Variants in TMEM63C observed in about 807,000 individuals in gnomAD.
TMEM63C encodes transmembrane protein 63C.
In TMEM63C, 32 loss-of-function variants were observed where a neutral mutation model predicts 99.2. That is an observed-to-expected ratio of 0.32 (90% confidence interval 0.24 to 0.43). The LOEUF is 0.43. TMEM63C is among the 20% of genes least tolerant of loss of function. TMEM63C has a pLI of 1.00. For synonymous variants in TMEM63C, 376 were observed against 397.9 expected, an observed-to-expected ratio of 0.94 and a Z score of 0.66; for missense variants, 826 against 1,053.0, an observed-to-expected ratio of 0.78 and a Z score of 2.98.
chr14:77,242,920 G>A lies in TMEM63C; in HGVS notation c.1205G>A (p.Arg402His), dbSNP rs767018865. The stretch of plus-strand genomic sequence containing the variant: ...TTCCCCAGGAAACACCTGTCTGTCC[G>A]CCGCTTCTTTTGGTGGGCCCGCTTT... Reference protein sequence around the residue: ...KDIIWKHLSVRRFFWWARFIA... With the variant: ...KDIIWKHLSVHRFFWWARFIA... The change falls in exon 15 of 24, where the codon CGC becomes CAC. Residue 402 changes from arginine to histidine, a missense_variant. By Grantham distance (29) the Arg-to-His change is conservative. Transcript: ENST00000298351. 8 of 1,613,888 alleles carry A rather than the reference G, an allele frequency of 5.0e-6. No individual in the cohort carries two copies. Among genetic ancestry groups the A allele is most frequent in the South Asian group, 3.3e-5 (3 of 91,080 alleles).
chr14:77,207,582 C>G (rs1192736697), intron 1 of TMEM63C, among the ~76,000 whole-genome samples: 1 of 152,224 alleles, frequency 6.6e-6, no homozygotes, highest in South Asian at 2.1e-4. Flanking sequence ...TCTAATCCTG[C>G]CTTTGTCTCT....
At chr14:77,186,199 G>T (rs1371875393) in intron 1 of TMEM63C, among the ~76,000 whole-genome samples, 2 of 152,086 alleles carry the variant, frequency 1.3e-5, no homozygotes, top group African/African-American at 4.8e-5. Context: ...TTTTGGTAGA[G>T]ACAGGGTTTC....
intron 1 of TMEM63C, among the ~76,000 whole-genome samples, chr14:77,198,371 G>A (rs927131585): frequency 3.3e-5 from 5 of 152,244 alleles, no homozygotes; most frequent in African/African-American, 1.2e-4. Flanking sequence ...GGCTGGGGCA[G>A]GACAGAACAG....
intron 5 of TMEM63C, among the ~76,000 whole-genome samples, chr14:77,220,706 G>C (rs769801125): frequency 2.0e-5 from 3 of 152,060 alleles, no homozygotes. Flanking sequence ...AACGCCACAG[G>C]AGGAGGTCAG....
chr14:77,236,011 A>G (rs1282292838), intron 8 of TMEM63C, among the ~76,000 whole-genome samples: 1 of 2,150 alleles, frequency 4.7e-4, no homozygotes, highest in African/African-American at 3.6e-3. Context: ...GGAGACTGTG[A>G]TGGGTGGGGA....
At chr14:77,240,830 C>T (rs957116442) in intron 13 of TMEM63C, among the ~76,000 whole-genome samples, 1 of 152,238 alleles carries the variant, frequency 6.6e-6, no homozygotes, top group Non-Finnish European at 1.5e-5. Flanking sequence ...CGGGGCTCCT[C>T]ACTCCCTGTC....
intron 5 of TMEM63C, among the ~76,000 whole-genome samples, chr14:77,222,105 C>T (rs754311780): frequency 2.6e-5 from 4 of 152,218 alleles, no homozygotes. Flanking sequence ...AATCCTCTCC[C>T]ACTGGGCCCC....
At chr14:77,255,031 T>C (rs422642) in intron 23 of TMEM63C, among the ~76,000 whole-genome samples, 65,221 of 152,126 alleles carry the variant, frequency 0.43, 16,269 homozygotes, top group African/African-American at 0.67. Flanking sequence ...TGCTCTGTTG[T>C]TCAGGCTGGA....
chr14:77,185,198 T>G (rs1347007440), intron 1 of TMEM63C, among the ~76,000 whole-genome samples: 1 of 152,232 alleles, frequency 6.6e-6, no homozygotes, highest in Non-Finnish European at 1.5e-5. Context: ...CTCTGCCATT[T>G]GACACGAGCA....
At chr14:77,225,164 C>A (rs1274418692) in intron 5 of TMEM63C, among the ~76,000 whole-genome samples, 1 of 152,202 alleles carries the variant, frequency 6.6e-6, no homozygotes, top group Admixed American at 6.5e-5. Context: ...GCAGTCACTT[C>A]TCCCCCTCCA....
chr14:77,244,278 G>A (rs1242684227), intron 15 of TMEM63C, 71 bp from the exon 16 acceptor site: 2 of 1,186,258 alleles, frequency 1.7e-6, no homozygotes, highest in East Asian at 4.7e-5. Flanking sequence ...GTGAGTGGGA[G>A]GAGAAGAAGC....
rs1888275538 is a variant in TMEM63C at position 77,200,079 on chromosome 14, A to T, written c.-76-13367A>T. On this transcript the variant is annotated intron_variant, in intron 1 of 23. Transcript: ENST00000298351. ...CCAGGCCAGTGCCTCCTTGTGTCTA[A>T]CTGAAATACCTCTTGCTGCAGCTGT... Among the ~76,000 whole-genome samples the T allele has an allele frequency of 2.6e-5, 4 of 152,266 alleles. No individual in the cohort carries two copies. The South Asian group carries it at 8.3e-4, about 32-fold the overall frequency.
rs1329473190 is a variant in TMEM63C, at chr14:77,246,041, A to G, written c.1535+15A>G. The G allele has an allele frequency of 1.7e-5, 27 of 1,590,972 alleles. No homozygotes were observed. Among genetic ancestry groups the G allele is most frequent in the Non-Finnish European group, 2.2e-5 (26 of 1,158,972 alleles). ...GGACTGACCAGGTACCTCACTTCCAATTATCCCTTCCTTCTTAGCCAGGCT... is the reference window on the plus strand; with the variant it reads ...GGACTGACCAGGTACCTCACTTCCAGTTATCCCTTCCTTCTTAGCCAGGCT... On this transcript the variant is annotated intron_variant, in intron 17 of 23. Transcript: ENST00000298351.
intron 1 of TMEM63C, among the ~76,000 whole-genome samples, chr14:77,195,215 T>C (rs1463014715): frequency 6.6e-6 from 1 of 152,170 alleles, no homozygotes; most frequent in Non-Finnish European, 1.5e-5. Flanking sequence ...CTCCTTGCAT[T>C]CACAATTTCA....
chr14:77,248,925 A>G (rs1889311582), intron 20 of TMEM63C, 53 bp downstream of exon 20: 3 of 1,486,258 alleles, frequency 2.0e-6, no homozygotes, highest in South Asian at 1.1e-5. Flanking sequence ...GATGGGGAGG[A>G]GGAATTGAGC....
At chr14:77,251,438 A>G in intron 21 of TMEM63C, among the ~76,000 whole-genome samples, 1 of 152,228 alleles carries the variant, frequency 6.6e-6, no homozygotes, top group East Asian at 1.9e-4. Flanking sequence ...GGAAAGGTGT[A>G]GGTCAGAGAT....
At chr14:77,210,312 C>A (rs996161305) in intron 1 of TMEM63C, among the ~76,000 whole-genome samples, 8 of 152,080 alleles carry the variant, frequency 5.3e-5, no homozygotes, top group Non-Finnish European at 1.0e-4. Flanking sequence ...GAGTGGGGAG[C>A]CAAAAACCCC....
chr14:77,225,636 C>T (rs114143395), intron 6 of TMEM63C, among the ~76,000 whole-genome samples, 175 bp downstream of exon 6: 2,741 of 152,284 alleles, frequency 0.018, 78 homozygotes, highest in African/African-American at 0.062. Flanking sequence ...CAGTTGGTGA[C>T]GTGAGAACTG....
In TMEM63C at chr14:77,253,114, C is replaced by T. The variant is rs1045600546; in HGVS notation, c.2149-191C>T. 2.0e-5 allele frequency among the ~76,000 whole-genome samples: 3 copies of T among 152,200 alleles called. No individual in the cohort carries two copies. The East Asian group carries it at 5.8e-4, about 29-fold the overall frequency. ...TGGGAATAGAACATTCCAGAAGGGACTCCCTTGCATCCCAGCCTTCTCTCT... is the reference window on the plus strand; with the variant it reads ...TGGGAATAGAACATTCCAGAAGGGATTCCCTTGCATCCCAGCCTTCTCTCT... On this transcript the variant is annotated intron_variant, in intron 22 of 23. Coordinates refer to ENST00000298351, the MANE Select transcript of TMEM63C (RefSeq NM_020431.4).
Sources: allele counts gnomAD v4.1 joint callset (sites outside exome capture counted in the v4.1 genomes callset), GRCh38; gene constraint gnomAD v4.1.1; transcripts MANE v1.5; gene names NCBI Gene and HGNC (gene_info 2026-07-23, HGNC 2026-07-21).